RPH3A: variants seen among roughly 807,000 people sequenced by gnomAD.
RPH3A encodes rabphilin-3A.
Under a neutral mutation model 102.2 loss-of-function variants are expected in RPH3A, and 48 were observed. The ratio of observed to expected loss-of-function variants is 0.47; its 90% CI spans 0.37 to 0.60. The LOEUF is 0.60. Among genes scored for constraint, RPH3A ranks in the 20% least tolerant of loss-of-function variants. RPH3A has a pLI of 0.00. For synonymous variants in RPH3A, 310 were observed against 324.3 expected (o/e 0.96, Z 0.47); for missense variants, 781 against 910.1 (o/e 0.86, Z 1.83).
intron 1 of RPH3A, among the ~76,000 whole-genome samples, chr12:112,710,492 G>A (rs1183110848): frequency 6.6e-6 from 1 of 152,164 alleles, no homozygotes; most frequent in East Asian, 1.9e-4. Context: ...GCCATTCCAT[G>A]ATCCCAGGCC....
At chr12:112,620,091 C>G (rs1242914731) in intron 1 of RPH3A, among the ~76,000 whole-genome samples, 1 of 152,214 alleles carries the variant, frequency 6.6e-6, no homozygotes, top group Admixed American at 6.5e-5. Context: ...ACAGAATAAG[C>G]TGCCCCTGTG....
In RPH3A at chr12:112,891,023, C is replaced by T; in HGVS notation, c.1775+20C>T. 1 of 1,613,658 alleles carries T rather than the reference C, an allele frequency of 6.2e-7. No individual in the cohort carries two copies. Among genetic ancestry groups the T allele is most frequent in the East Asian group, 2.2e-5 (1 of 44,884 alleles). On this transcript the variant is annotated intron_variant, in intron 19 of 21. Coordinates refer to ENST00000389385, the MANE Select transcript of RPH3A (RefSeq NM_001143854.2). Reference sequence around the variant, plus strand: ...CAAGCTGTAAGTCAATGCCTTGGGGCTACAGGTGGGCCCTGAAGGAGTCCT... The same window carrying T: ...CAAGCTGTAAGTCAATGCCTTGGGGTTACAGGTGGGCCCTGAAGGAGTCCT...
chr12:112,875,593 A>C lies in RPH3A; in HGVS notation c.884-86A>C. The C allele has an allele frequency of 3.3e-6, 4 of 1,198,716 alleles. No homozygotes were observed. The South Asian group carries it at 5.0e-5, about 15-fold the overall frequency. The allele number at this position is 1,198,716 out of a possible 1,614,324, so 74.3% of individuals were successfully genotyped here. A position where few individuals can be genotyped will look rare whatever the true frequency, so the allele number is the denominator to read the frequency against. On this transcript the variant is annotated intron_variant, in intron 11 of 21. Transcript: ENST00000389385. ...TTTCTGCCTTCGGGCCTGTGTCCAC[A>C]CCTGTGAAATGAAAAGGAAAAGGTG...
At chr12:112,648,643 G>C (rs2039951617) in intron 1 of RPH3A, among the ~76,000 whole-genome samples, 1 of 137,322 alleles carries the variant, frequency 7.3e-6, no homozygotes, top group Admixed American at 8.1e-5. Context: ...TACTCAAAAG[G>C]CTGAGGTGGG....
chr12:112,729,948 G>T (rs540387908), intron 1 of RPH3A, among the ~76,000 whole-genome samples: 2 of 152,130 alleles, frequency 1.3e-5, no homozygotes, highest in Non-Finnish European at 2.9e-5. Context: ...AGTATGATGG[G>T]CCCCTAATCC....
chr12:112,729,313 G>A (rs926857402), intron 1 of RPH3A, among the ~76,000 whole-genome samples: 13 of 151,862 alleles, frequency 8.6e-5, no homozygotes, highest in South Asian at 6.3e-4. Flanking sequence ...CAGTCCCCTC[G>A]CTGAGTCTAC....
intron 1 of RPH3A, among the ~76,000 whole-genome samples, chr12:112,776,889 A>C (rs1565877589): frequency 6.8e-6 from 1 of 146,182 alleles, no homozygotes; most frequent in African/African-American, 2.6e-5. Flanking sequence ...AAAAAAAAAA[A>C]AAAAAAAAAA....
intron 1 of RPH3A, among the ~76,000 whole-genome samples, chr12:112,735,262 C>T (rs2040661140): frequency 6.6e-6 from 1 of 152,218 alleles, no homozygotes; most frequent in Admixed American, 6.5e-5. Flanking sequence ...AGGTTAAACT[C>T]TGGGAAGCTG....
intron 3 of RPH3A, 103 bp downstream of exon 3, chr12:112,828,492 G>A: frequency 1.2e-6 from 1 of 836,828 alleles, no homozygotes; most frequent in Non-Finnish European, 1.9e-6. Context: ...CCCTGAGGAA[G>A]GGGGAGAGGA....
At chr12:112,871,026 T>G (rs2042699685) in intron 10 of RPH3A, among the ~76,000 whole-genome samples, 1 of 152,234 alleles carries the variant, frequency 6.6e-6, no homozygotes, top group Non-Finnish European at 1.5e-5. Flanking sequence ...AAACTGAGCC[T>G]CAGAGAGGCG....
intron 1 of RPH3A, among the ~76,000 whole-genome samples, chr12:112,594,730 G>A (rs1020880094): frequency 6.6e-6 from 1 of 152,176 alleles, no homozygotes; most frequent in Non-Finnish European, 1.5e-5. Flanking sequence ...AATGTCCAAT[G>A]TGTGAGCTGG....
chr12:112,881,836 G>A lies in RPH3A; in HGVS notation c.1316G>A (p.Gly439Glu), dbSNP rs999288406. The A allele has an allele frequency of 6.2e-7, 1 of 1,611,910 alleles. No homozygotes were observed. Among genetic ancestry groups the A allele is most frequent in the Admixed American group, 1.7e-5 (1 of 59,906 alleles). The change falls in exon 15 of 22, where the codon GGA becomes GAA. Residue 439 changes from glycine to glutamate, a missense_variant. Transcript: ENST00000389385. ...DPYVKLHLLP[G>E]ASKSNKLRTK... is the part of the protein sequence containing the mutation. ...TACGTTAAGCTGCACCTCCTGCCGG[G>A]AGCCAGCAAGGTACCATATGGCCTG... is the stretch of plus-strand genomic sequence containing the variant.
intron 1 of RPH3A, among the ~76,000 whole-genome samples, chr12:112,750,583 G>A (rs1048391122): frequency 2.0e-5 from 3 of 152,148 alleles, no homozygotes; most frequent in Middle Eastern, 3.2e-3. Context: ...AGAGTAGAGA[G>A]GCCAATAGGG....
chr12:112,886,030 C>A (rs535696459), intron 16 of RPH3A, among the ~76,000 whole-genome samples: 3 of 152,272 alleles, frequency 2.0e-5, no homozygotes, highest in African/African-American at 7.2e-5. Context: ...CACACCCCAA[C>A]CAGCTCAGTA....
rs374085633 is a variant in RPH3A at position 112,847,722 on chromosome 12, C to T, written c.110C>T (p.Pro37Leu). ...EQLQAGWSVH[P>L]GGQPDRQRKQ... ...CTCCAGGCAGGCTGGTCCGTCCACC[C>T]CGGTGGTCAGCCTGACAGGCAGAGG... Residue 37 changes from proline (P) to leucine (L), a missense_variant, in exon 5 of 22, where the codon CCC (proline) becomes CTC (leucine). Transcript: ENST00000389385. 3.7e-6 allele frequency: 6 copies of T among 1,614,114 alleles called. No homozygotes were observed. Among genetic ancestry groups the T allele is most frequent in the Non-Finnish European group, 4.2e-6 (5 of 1,180,006 alleles).
chr12:112,797,026 G>A (rs958514980), intron 2 of RPH3A, among the ~76,000 whole-genome samples: 3 of 152,142 alleles, frequency 2.0e-5, no homozygotes, highest in African/African-American at 7.2e-5. Context: ...CTCCAGCCTA[G>A]GGTAAGACTC....
At chr12:112,789,945 G>C (rs2041079441), upstream of RPH3A, among the ~76,000 whole-genome samples, 1 of 151,638 alleles carries the variant, frequency 6.6e-6, no homozygotes, top group Non-Finnish European at 1.5e-5. Context: ...TTGAGTCCTA[G>C]CTACTGGACA....
intron 2 of RPH3A, among the ~76,000 whole-genome samples, chr12:112,812,424 A>G (rs946619275): frequency 6.6e-6 from 1 of 152,234 alleles, no homozygotes; most frequent in Non-Finnish European, 1.5e-5. Context: ...TCCCAAATAC[A>G]TTAAAAATTC....
intron 1 of RPH3A, among the ~76,000 whole-genome samples, chr12:112,747,616 G>C (rs1303454658): frequency 6.6e-6 from 1 of 152,104 alleles, no homozygotes; most frequent in Non-Finnish European, 1.5e-5. Flanking sequence ...GAATGAATGA[G>C]TAAATGAATC....
Sources: allele counts gnomAD v4.1 joint callset (sites outside exome capture counted in the v4.1 genomes callset), GRCh38; gene constraint gnomAD v4.1.1; transcripts MANE v1.5; gene names NCBI Gene and HGNC (gene_info 2026-07-23, HGNC 2026-07-21).